The following WIPI2 variants were observed in gnomAD, a reference collection of about 807,000 sequenced individuals.
WIPI2 encodes WD repeat domain, phosphoinositide interacting 2.
Under a neutral mutation model 52.3 loss-of-function variants are expected in WIPI2, and 28 were observed. The observed-to-expected ratio is 0.54, with a 90% CI of 0.40 to 0.73. WIPI2 has a LOEUF of 0.73. Among genes scored for constraint, WIPI2 ranks in the 30% least tolerant of loss-of-function variants. The pLI is 0.00. For synonymous variants in WIPI2, 268 were observed against 245.0 expected (o/e 1.09, Z -0.88); for missense variants, 506 against 602.9 (o/e 0.84, Z 1.68).
intron 3 of WIPI2, among the ~76,000 whole-genome samples, chr7:5,208,576 G>C (rs926682165): frequency 1.3e-5 from 2 of 152,084 alleles, no homozygotes; most frequent in Non-Finnish European, 2.9e-5. Context: ...TTATATTTAA[G>C]TCAATAATCT....
chr7:5,196,048 A>AG (rs1781732079), intron 2 of WIPI2, among the ~76,000 whole-genome samples: 1 of 151,620 alleles, frequency 6.6e-6, no homozygotes, highest in Non-Finnish European at 1.5e-5. Context: ...AAAAAAAAAA[A>AG]CTTATCTTTT....
rs948333297 is a variant in WIPI2 at position 5,230,752 on chromosome 7, C to T, written c.1253-83C>T. The stretch of plus-strand genomic sequence containing the variant: ...AGTTTATAAATATACACCAGTGTTT[C>T]CAAAACACAGTCCTCAGTGTGTGTC... On this transcript the variant is annotated intron_variant, in intron 12 of 12. Transcript: ENST00000288828. The surrounding 1 kb of genome is among the most constrained non-coding windows in gnomAD (Gnocchi z 4.8). 27 of 1,007,428 alleles carry T rather than the reference C, an allele frequency of 2.7e-5. No individual in the cohort carries two copies. The highest frequency in any genetic ancestry group is 3.7e-5 in the Non-Finnish European group (26 of 694,398). 62.4% of individuals were successfully genotyped at this position (1,007,428 alleles called of 1,614,324 possible).
In WIPI2 at chr7:5,217,022, A is replaced by G. The variant is rs932723406; in HGVS notation, c.479-68A>G. 7.0e-6 allele frequency: 10 copies of G among 1,436,254 alleles called. No individual in the cohort carries two copies. In the Admixed American group the frequency reaches 1.4e-4, roughly 20 times the overall value. The allele number at this position is 1,436,254 out of a possible 1,614,324, so 89.0% of individuals were successfully genotyped here. A position where few individuals can be genotyped will look rare whatever the true frequency, so the allele number is the denominator to read the frequency against. ...TGCTCTGTTAAATGAATGCTGAATTATGTCTGACATCCAAGAAGGAACTCT... is the reference window on the plus strand; with the variant it reads ...TGCTCTGTTAAATGAATGCTGAATTGTGTCTGACATCCAAGAAGGAACTCT... On this transcript the variant is annotated intron_variant, in intron 5 of 12. Coordinates refer to ENST00000288828, the MANE Select transcript of WIPI2 (RefSeq NM_015610.4).
At chr7:5,225,269 T>G (rs1562406690) in intron 8 of WIPI2, among the ~76,000 whole-genome samples, 1 of 151,938 alleles carries the variant, frequency 6.6e-6, no homozygotes. Flanking sequence ...GCCTCCCGAG[T>G]AGCTGGGACT....
In WIPI2 at chr7:5,223,084, T is replaced by A. The variant is rs552713641; in HGVS notation, c.740+412T>A. ...TCAGCAAATGGCATTGGCCCCTTCT[T>A]TTAACCCAGAAGCCGCAGCCTGGAG... On this transcript the variant is annotated intron_variant, in intron 8 of 12. Coordinates refer to ENST00000288828, the MANE Select transcript of WIPI2 (RefSeq NM_015610.4). 2.7e-3 allele frequency among the ~76,000 whole-genome samples: 417 copies of A among 152,286 alleles called. 2 individuals are homozygous for A. Among genetic ancestry groups the A allele is most frequent in the African/African-American group, 9.5e-3 (396 of 41,568 alleles).
At chr7:5,195,930 T>C (rs1010014011) in intron 2 of WIPI2, among the ~76,000 whole-genome samples, 6 of 151,672 alleles carry the variant, frequency 4.0e-5, no homozygotes, top group African/African-American at 1.5e-4. Context: ...TTCCAGCTGC[T>C]CGGGACGCTG....
At position 5,222,631 on chromosome 7, in the gene WIPI2, A is replaced by G; in HGVS notation, c.699A>G (p.Pro233=). Residue 233 remains proline (P), a synonymous_variant, in exon 8 of 13, where the codon CCA becomes CCG. Transcript: ENST00000288828. ...CCGTGATTAGGGTATTTTCCATTCC[A>G]GAAGGACAAAAACTCTTTGAGTTTC... The part of the protein sequence containing the change: ...KGTVIRVFSI[P]EGQKLFEFRR... The G allele has an allele frequency of 6.2e-7, 1 of 1,614,076 alleles. No individual in the cohort carries two copies. The highest frequency in any genetic ancestry group is 8.5e-7 in the Non-Finnish European group (1 of 1,179,954).
At chr7:5,190,756 G>A in intron 1 of WIPI2, 1 of 342,692 alleles carries the variant, frequency 2.9e-6, no homozygotes, top group Non-Finnish European at 5.2e-6. Context: ...TTGCGGGGAG[G>A]CCCCCTGGCT....
chr7:5,190,268 G>C lies in WIPI2; in HGVS notation c.-152G>C. The stretch of plus-strand genomic sequence containing the variant: ...CCCCGGCTCTGGAGCATAAACAAGA[G>C]CGGGGACGGGATGAGGCGGCGGTTG... On this transcript the variant is annotated 5_prime_UTR_variant, in exon 1 of 13. Coordinates refer to ENST00000288828, the MANE Select transcript of WIPI2 (RefSeq NM_015610.4). 2.6e-6 allele frequency: 1 copy of C among 379,832 alleles called. No homozygotes were observed. The highest frequency in any genetic ancestry group is 4.3e-6 in the Non-Finnish European group (1 of 234,116). 23.5% of individuals were successfully genotyped at this position (379,832 alleles called of 1,614,324 possible).
At position 5,232,218 on chromosome 7, in the gene WIPI2, C is replaced by G. The variant is rs1324000468; in HGVS notation, c.*1271C>G. On this transcript the variant is annotated 3_prime_UTR_variant, in exon 13 of 13. Transcript: ENST00000288828. ...AGGGAAAAGGCAAAAACTATTTACC[C>G]TGCCTTTGCAGGCTGGGGTTTTTGA... 2.5e-6 allele frequency: 1 copy of G among 398,594 alleles called. No homozygotes were observed. The highest frequency in any genetic ancestry group is 2.1e-5 in the African/African-American group (1 of 48,648). 24.7% of individuals were successfully genotyped at this position (398,594 alleles called of 1,614,324 possible).
At chr7:5,229,415 C>A in intron 11 of WIPI2, 193 bp from the exon 12 acceptor site, 3 of 574,290 alleles carry the variant, frequency 5.2e-6, no homozygotes, top group Non-Finnish European at 9.0e-6. Flanking sequence ...CCTCTTTAGA[C>A]TTTCCATGTA....
At chr7:5,200,066 A>G (rs912595834) in intron 3 of WIPI2, among the ~76,000 whole-genome samples, 11 of 152,228 alleles carry the variant, frequency 7.2e-5, no homozygotes, top group African/African-American at 2.7e-4. Flanking sequence ...ACAGCATTGA[A>G]GTGGCCCGCG....
intron 3 of WIPI2, among the ~76,000 whole-genome samples, chr7:5,204,540 GCAA>G (rs960368110): frequency 5.3e-5 from 8 of 152,152 alleles, no homozygotes; most frequent in Non-Finnish European, 1.0e-4. Flanking sequence ...TAGAAAAATG[GCAA>G]CAAACCTAAA....
In WIPI2 at chr7:5,193,126, A is replaced by G; in HGVS notation, c.83A>G (p.Lys28Arg). 6.2e-7 allele frequency: 1 copy of G among 1,613,930 alleles called. No individual in the cohort carries two copies. ...TTTGTTTTTTTACCTAGAGAAGTGA[A>G]AGGGGCATCAAGAGCAGCTGGTCTT... ...ANFNQDNTEV[K>R]GASRAAGLGR... is the part of the protein sequence containing the mutation. The change falls in exon 2 of 13, where the codon AAA (lysine) becomes AGA (arginine). Residue 28 changes from lysine to arginine, a missense_variant. Physicochemically the swap from Lys to Arg is conservative, Grantham distance 26 (BLOSUM62 2). This residue lies in a region of WIPI2 where 60 missense variants were observed against 49.7 expected (regional missense o/e 1.21). Transcript: ENST00000288828.
Position 5,214,572 on chromosome 7 carries a change from C to T in WIPI2, c.249C>T (p.Phe83=). 1 of 1,614,252 alleles carries T rather than the reference C, an allele frequency of 6.2e-7. No homozygotes were observed. Among genetic ancestry groups the T allele is most frequent in the East Asian group, 2.2e-5 (1 of 44,888 alleles). Residue 83 remains phenylalanine, a synonymous_variant, in exon 4 of 13, where the codon TTC becomes TTT. Coordinates refer to ENST00000288828, the MANE Select transcript of WIPI2 (RefSeq NM_015610.4). The stretch of plus-strand genomic sequence containing the variant: ...ATGTGTGCATTGTAGAGAGATTGTT[C>T]TCCAGCAGCCTAGTGGCCATCGTCA... ...TEDVCIVERL[F]SSSLVAIVSL...
In WIPI2 at chr7:5,199,640, G is replaced by T; in HGVS notation, c.193G>T (p.Glu65Ter). The T allele has an allele frequency of 6.2e-7, 1 of 1,611,336 alleles. No homozygotes were observed. The highest frequency in any genetic ancestry group is 2.2e-5 in the East Asian group (1 of 44,802). ...FFSLSSVDKL[E>*]QIYECTDTED... ...CTCCCTTTCTTCTGTGGATAAGCTGGAACAGATCTATGAATGCAGTAAGTG... is the reference window on the plus strand; with the variant it reads ...CTCCCTTTCTTCTGTGGATAAGCTGTAACAGATCTATGAATGCAGTAAGTG... Residue 65 changes from glutamate (E) to a stop codon, truncating the protein, a stop_gained, in exon 3 of 13, where the codon GAA becomes TAA. Transcript: ENST00000288828. LOFTEE classifies it high-confidence loss of function.
At chr7:5,212,118 C>T (rs756270483) in intron 3 of WIPI2, among the ~76,000 whole-genome samples, 6 of 152,148 alleles carry the variant, frequency 3.9e-5, no homozygotes, top group Non-Finnish European at 7.3e-5. Context: ...TATCCAAAAT[C>T]TGGTCATAAG....
At chr7:5,223,654 C>T (rs1362858349) in intron 8 of WIPI2, among the ~76,000 whole-genome samples, 4 of 152,182 alleles carry the variant, frequency 2.6e-5, no homozygotes, top group South Asian at 2.1e-4. Flanking sequence ...GTGCTGATCC[C>T]GGGGCTGGAC....
At chr7:5,223,392 G>A (rs1002900005) in intron 8 of WIPI2, among the ~76,000 whole-genome samples, 6 of 152,138 alleles carry the variant, frequency 3.9e-5, no homozygotes, top group African/African-American at 4.8e-5. Flanking sequence ...GCTGTCTTTC[G>A]GGGACTCTCC....
Sources: allele counts gnomAD v4.1 joint callset (sites outside exome capture counted in the v4.1 genomes callset), GRCh38; gene constraint gnomAD v4.1.1; regional missense constraint gnomAD v4.1.1; non-coding constraint Gnocchi (gnomAD v3.1); transcripts MANE v1.5; gene names NCBI Gene and HGNC (gene_info 2026-07-23, HGNC 2026-07-21).